The following ADAMTS19 variants were observed in gnomAD, a reference collection of about 807,000 sequenced individuals.
The protein encoded by ADAMTS19 is ADAM metallopeptidase with thrombospondin type 1 motif 19, also known as A disintegrin and metalloproteinase with thrombospondin motifs 19.
A neutral mutation model predicts 153.3 loss-of-function variants in ADAMTS19; 93 were observed. That is an observed-to-expected ratio of 0.61 (90% CI 0.51 to 0.72). The LOEUF is 0.72. Ranked by LOEUF, ADAMTS19 falls within the 30% of genes least tolerant of loss-of-function variation. The pLI, the probability that ADAMTS19 is intolerant of heterozygous loss-of-function variation, is 0.00. For missense variants in ADAMTS19, 1,482 were observed against 1,552.1 expected, an observed-to-expected ratio of 0.95 and a Z score of 0.76; for synonymous variants, 600 against 556.6, an observed-to-expected ratio of 1.08 and a Z score of -1.10.
intron 19 of ADAMTS19, among the ~76,000 whole-genome samples, chr5:129,700,978 G>A (rs145745839): frequency 4.4e-4 from 67 of 151,736 alleles, no homozygotes; most frequent in African/African-American, 1.4e-3. Flanking sequence ...GTAGTGATAC[G>A]CTTTGACTGT....
At chr5:129,578,036 TTACA>T (rs200443916) in intron 7 of ADAMTS19, among the ~76,000 whole-genome samples, 3,898 of 113,524 alleles carry the variant, frequency 0.034, 299 homozygotes, top group African/African-American at 0.14. Context: ...ATTTTCAAAC[TTACA>T]TACACACACA....
intron 2 of ADAMTS19, among the ~76,000 whole-genome samples, chr5:129,508,227 G>T (rs1751326949): frequency 6.6e-6 from 1 of 151,898 alleles, no homozygotes; most frequent in South Asian, 2.1e-4. Context: ...TTGCTAAAGA[G>T]ATAATATAGT....
chr5:129,465,588 T>C (rs1749828865), intron 2 of ADAMTS19, among the ~76,000 whole-genome samples: 1 of 152,202 alleles, frequency 6.6e-6, no homozygotes, highest in African/African-American at 2.4e-5. Context: ...TAAAGTATTG[T>C]ATTCTGTGGA....
intron 8 of ADAMTS19, among the ~76,000 whole-genome samples, chr5:129,617,143 T>A (rs1751568278): frequency 6.6e-6 from 1 of 152,068 alleles, no homozygotes; most frequent in Non-Finnish European, 1.5e-5. Context: ...ATTTCAAACC[T>A]GTAGAGTCAG....
At chr5:129,659,500 AC>A (rs1753732344) in intron 15 of ADAMTS19, among the ~76,000 whole-genome samples, 2 of 152,176 alleles carry the variant, frequency 1.3e-5, no homozygotes, top group Admixed American at 1.3e-4. Context: ...TTAGTCTGTT[AC>A]CTGGGCATGT....
intron 8 of ADAMTS19, among the ~76,000 whole-genome samples, chr5:129,613,330 A>G (rs968950545): frequency 5.9e-5 from 9 of 152,164 alleles, no homozygotes; most frequent in African/African-American, 2.2e-4. Context: ...ATTATAACAA[A>G]CTGTCTCTCA....
intron 6 of ADAMTS19, among the ~76,000 whole-genome samples, chr5:129,536,638 A>G (rs1561557736): frequency 6.6e-6 from 1 of 152,226 alleles, no homozygotes; most frequent in Non-Finnish European, 1.5e-5. Flanking sequence ...CACTATTCAC[A>G]ATAGCAAAGA....
chr5:129,728,586 A>T (rs925700244), intron 21 of ADAMTS19, among the ~76,000 whole-genome samples: 4 of 152,074 alleles, frequency 2.6e-5, no homozygotes, highest in Non-Finnish European at 5.9e-5. Context: ...TTCCCATAAC[A>T]GTACTATTGG....
At chr5:129,676,757 A>T (rs1159248919) in intron 16 of ADAMTS19, among the ~76,000 whole-genome samples, 1 of 152,236 alleles carries the variant, frequency 6.6e-6, no homozygotes, top group Non-Finnish European at 1.5e-5. Flanking sequence ...AACAAAAAGC[A>T]AGAAACATAT....
chr5:129,548,060 A>G (rs566059429), intron 6 of ADAMTS19, among the ~76,000 whole-genome samples: 27 of 150,032 alleles, frequency 1.8e-4, no homozygotes, highest in African/African-American at 6.9e-4. Flanking sequence ...TAGAACTAAA[A>G]CCATAAAAAA....
chr5:129,502,855 T>G (rs1751147519), intron 2 of ADAMTS19, among the ~76,000 whole-genome samples: 1 of 152,164 alleles, frequency 6.6e-6, no homozygotes, highest in Non-Finnish European at 1.5e-5. Flanking sequence ...CTCAAGTAGC[T>G]CATGGTCTAA....
At chr5:129,522,185 G>GA (rs1355509307) in intron 3 of ADAMTS19, among the ~76,000 whole-genome samples, 1,554 of 143,402 alleles carry the variant, frequency 0.011, 29 homozygotes, top group African/African-American at 0.035. Context: ...AGGTGATGTT[G>GA]AAAAAAAATA....
At chr5:129,624,197 G>A (rs1751919659) in intron 10 of ADAMTS19, among the ~76,000 whole-genome samples, 1 of 142,672 alleles carries the variant, frequency 7.0e-6, no homozygotes, top group South Asian at 2.4e-4. Flanking sequence ...GTGTTGCTAT[G>A]TAATTGTGAT....
intron 7 of ADAMTS19, among the ~76,000 whole-genome samples, chr5:129,579,259 C>T (rs779684906): frequency 2.6e-5 from 4 of 152,126 alleles, no homozygotes; most frequent in Non-Finnish European, 4.4e-5. Context: ...AGTGTCTGTT[C>T]ATATCCTTAG....
intron 6 of ADAMTS19, among the ~76,000 whole-genome samples, chr5:129,545,558 C>T (rs1284157473): frequency 6.6e-6 from 1 of 151,954 alleles, no homozygotes; most frequent in African/African-American, 2.4e-5. Context: ...ATACCAAGTA[C>T]CAAAGAAGAT....
chr5:129,559,367 A>G (rs1388617051), intron 7 of ADAMTS19, among the ~76,000 whole-genome samples: 1 of 152,116 alleles, frequency 6.6e-6, no homozygotes, highest in Non-Finnish European at 1.5e-5. Flanking sequence ...CCATTTTTGG[A>G]AGATAATACA....
intron 21 of ADAMTS19, among the ~76,000 whole-genome samples, chr5:129,720,285 C>T (rs1448250186): frequency 6.6e-6 from 1 of 150,922 alleles, no homozygotes; most frequent in Non-Finnish European, 1.5e-5. Context: ...GATTCTTGTT[C>T]CTCAGCCTCC....
At chr5:129,643,503 T>C (rs1335159722) in intron 11 of ADAMTS19, among the ~76,000 whole-genome samples, 1 of 151,694 alleles carries the variant, frequency 6.6e-6, no homozygotes, top group East Asian at 1.9e-4. Context: ...GAGGGATGGG[T>C]GAATATAACT....
intron 4 of ADAMTS19, 21 bp downstream of exon 4, chr5:129,526,477 G>T: frequency 6.4e-7 from 1 of 1,569,458 alleles, no homozygotes; most frequent in Admixed American, 2.1e-5. Context: ...TTTAAAGTGC[G>T]CTTGGAATTT....
Sources: gnomAD v4.1 joint callset for allele counts (sites outside exome capture counted in the v4.1 genomes callset) on GRCh38, gnomAD v4.1.1 for gene constraint, MANE v1.5 for transcripts, NCBI Gene and HGNC (gene_info 2026-07-23, HGNC 2026-07-21) for gene names.